The following BMPER variants were observed in gnomAD, a reference collection of about 807,000 sequenced individuals.
The protein encoded by BMPER is BMP-binding endothelial regulator protein.
A neutral mutation model predicts 87.3 loss-of-function variants in BMPER; 45 were observed. The observed-to-expected ratio is 0.52, with a 90% CI of 0.41 to 0.66. The LOEUF is 0.66. Among genes scored for constraint, BMPER ranks in the 30% least tolerant of loss-of-function variants. The probability of loss-of-function intolerance (pLI) is 0.00; values close to 1 mark genes in which losing one functional copy is unlikely to be tolerated. For missense variants in BMPER, 784 were observed against 867.5 expected (o/e 0.90, Z 1.21); for synonymous variants, 326 against 316.2 (o/e 1.03, Z -0.33).
chr7:34,139,980 T>G (rs1790821569), intron 13 of BMPER, among the ~76,000 whole-genome samples: 1 of 152,196 alleles, frequency 6.6e-6, no homozygotes, highest in South Asian at 2.1e-4. Context: ...TAAGAACCTT[T>G]CTCTGGGCTG....
chr7:34,102,854 A>C (rs1227772299), intron 13 of BMPER, among the ~76,000 whole-genome samples: 1 of 152,130 alleles, frequency 6.6e-6, no homozygotes, highest in Non-Finnish European at 1.5e-5. Context: ...GCCACAAAGA[A>C]ACACAGCAGG....
chr7:33,924,646 G>C (rs1306656119), intron 2 of BMPER, among the ~76,000 whole-genome samples: 1 of 152,084 alleles, frequency 6.6e-6, no homozygotes, highest in African/African-American at 2.4e-5. Flanking sequence ...CTTAATAGAG[G>C]GTATTTTCTT....
chr7:33,945,787 C>T lies in BMPER; in HGVS notation c.319+8399C>T, dbSNP rs541833722. On this transcript the variant is annotated intron_variant, in intron 3 of 14. Transcript: ENST00000649409. Reference sequence around the variant, plus strand: ...TATGCTCACCACTAAGTCTTCACAACAGTGAGGTAATTTCTGTCTTATTTT... The same window carrying T: ...TATGCTCACCACTAAGTCTTCACAATAGTGAGGTAATTTCTGTCTTATTTT... Among the ~76,000 whole-genome samples, 10 of 152,256 alleles carry T rather than the reference C, an allele frequency of 6.6e-5. No homozygotes were observed. In the East Asian group the frequency reaches 1.9e-3, roughly 29 times the overall value.
chr7:33,952,207 A>G (rs1194591595), intron 3 of BMPER, among the ~76,000 whole-genome samples: 1 of 152,222 alleles, frequency 6.6e-6, no homozygotes, highest in Non-Finnish European at 1.5e-5. Context: ...ATCATATAGA[A>G]TGAACCTTTA....
chr7:34,117,309 A>AT (rs1272032396), intron 13 of BMPER, among the ~76,000 whole-genome samples: 1 of 152,176 alleles, frequency 6.6e-6, no homozygotes, highest in African/African-American at 2.4e-5. Flanking sequence ...CATCACAGTC[A>AT]TTTTTATAAG....
chr7:33,908,267 A>C (rs1783871133), intron 2 of BMPER, among the ~76,000 whole-genome samples: 1 of 152,070 alleles, frequency 6.6e-6, no homozygotes, highest in Admixed American at 6.6e-5. Flanking sequence ...ATTTTATCTT[A>C]ATCTATTAAG....
intron 13 of BMPER, among the ~76,000 whole-genome samples, chr7:34,098,493 C>T (rs868758326): frequency 5.9e-5 from 9 of 151,954 alleles, no homozygotes; most frequent in East Asian, 3.9e-4. Flanking sequence ...AATCTGGTGA[C>T]GATACTGGAA....
At chr7:33,954,710 C>T (rs1211068619) in intron 3 of BMPER, among the ~76,000 whole-genome samples, 2 of 152,178 alleles carry the variant, frequency 1.3e-5, no homozygotes, top group Non-Finnish European at 2.9e-5. Context: ...TCAGGGAGTG[C>T]AGGAGGTTCC....
intron 6 of BMPER, among the ~76,000 whole-genome samples, chr7:33,992,492 A>G (rs957241990): frequency 8.9e-5 from 13 of 146,476 alleles, no homozygotes; most frequent in African/African-American, 2.8e-4. Context: ...CCATCCTTTT[A>G]TTTTGAGCCT....
chr7:33,949,601 GT>G (rs112376084), intron 3 of BMPER, among the ~76,000 whole-genome samples: 2,054 of 146,432 alleles, frequency 0.014, 54 homozygotes, highest in African/African-American at 0.047. Flanking sequence ...GTGCCACTGT[GT>G]TTTTTTTTTT....
chr7:33,962,259 A>C (rs756275389), intron 3 of BMPER, among the ~76,000 whole-genome samples: 3 of 152,202 alleles, frequency 2.0e-5, no homozygotes, highest in Non-Finnish European at 4.4e-5. Context: ...AAGCTTCTCT[A>C]CAAGAATATG....
chr7:34,152,113 T>C (rs1791190884), intron 14 of BMPER, among the ~76,000 whole-genome samples: 1 of 152,224 alleles, frequency 6.6e-6, no homozygotes, highest in Admixed American at 6.5e-5. Context: ...AATTACACGA[T>C]TCCTTACCAG....
At chr7:34,007,522 A>G (rs1205019287) in intron 6 of BMPER, among the ~76,000 whole-genome samples, 3 of 151,882 alleles carry the variant, frequency 2.0e-5, no homozygotes, top group Non-Finnish European at 4.4e-5. Context: ...GCTCATTCCT[A>G]TGACCTATCC....
chr7:34,035,805 A>C (rs1787648019), intron 6 of BMPER, among the ~76,000 whole-genome samples: 1 of 152,234 alleles, frequency 6.6e-6, no homozygotes, highest in South Asian at 2.1e-4. Context: ...CTTTGGGACA[A>C]ACGATAAACC....
At chr7:33,905,346 G>A, upstream of BMPER, 1 of 519,754 alleles carries the variant, frequency 1.9e-6, no homozygotes, top group Non-Finnish European at 3.3e-6. Context: ...GCCACTGCAA[G>A]CAACTCCCTC....
intron 13 of BMPER, among the ~76,000 whole-genome samples, chr7:34,138,180 G>T (rs564757141): frequency 7.2e-5 from 11 of 152,286 alleles, no homozygotes; most frequent in Admixed American, 5.9e-4. Flanking sequence ...GTGTCTAATG[G>T]TTTCTGGTGT....
intron 13 of BMPER, among the ~76,000 whole-genome samples, chr7:34,095,664 C>T (rs766827319): frequency 6.6e-6 from 1 of 152,188 alleles, no homozygotes; most frequent in Non-Finnish European, 1.5e-5. Flanking sequence ...GTATTTTTTC[C>T]CTTTTCCCAG....
intron 13 of BMPER, among the ~76,000 whole-genome samples, chr7:34,110,699 A>G (rs1043675097): frequency 6.6e-6 from 1 of 152,206 alleles, no homozygotes; most frequent in Non-Finnish European, 1.5e-5. Flanking sequence ...TTTTCTATGG[A>G]AGCCAAAGGT....
At chr7:34,046,251 C>A in intron 6 of BMPER, 55 bp from the exon 7 acceptor site, 1 of 1,532,956 alleles carries the variant, frequency 6.5e-7, no homozygotes, top group Non-Finnish European at 9.0e-7. Flanking sequence ...CTTGGTTGTA[C>A]AATCTACATG....
Sources: gnomAD v4.1 joint callset for allele counts (sites outside exome capture counted in the v4.1 genomes callset) on GRCh38, gnomAD v4.1.1 for gene constraint, MANE v1.5 for transcripts, NCBI Gene and HGNC (gene_info 2026-07-23, HGNC 2026-07-21) for gene names.